Variants in PTGES3L observed in about 807,000 individuals in gnomAD.
PTGES3L encodes prostaglandin E synthase 3 like, also known as putative protein PTGES3L.
Under a neutral mutation model 25.0 loss-of-function variants are expected in PTGES3L, and 17 were observed. The observed-to-expected ratio is 0.68, with a 90% CI of 0.47 to 1.02. The LOEUF (loss-of-function observed/expected upper bound fraction) is 1.02, where lower values mean the gene tolerates loss of function less well. PTGES3L is among the 50% of genes least tolerant of loss of function. PTGES3L has a pLI of 0.00. For synonymous variants in PTGES3L, 59 were observed against 65.7 expected, an observed-to-expected ratio of 0.90 and a Z score of 0.50; for missense variants, 202 against 197.5, an observed-to-expected ratio of 1.02 and a Z score of -0.14.
intron 6 of PTGES3L, 64 bp from the exon 7 acceptor site, chr17:42,969,250 T>G (rs2049790150): frequency 2.0e-6 from 2 of 981,348 alleles, no homozygotes; most frequent in Middle Eastern, 2.1e-4. Flanking sequence ...ACATTTGTGT[T>G]AACAAATACT....
intron 4 of PTGES3L, among the ~76,000 whole-genome samples, chr17:42,973,625 G>C: frequency 6.6e-6 from 1 of 150,526 alleles, no homozygotes; most frequent in Non-Finnish European, 1.5e-5. Context: ...AGACATGGGA[G>C]ACTTTTCATT....
Position 42,968,815 on chromosome 17 carries a change from G to A in PTGES3L, c.*333C>T. 1 of 266,818 alleles carries A rather than the reference G, an allele frequency of 3.7e-6. No individual in the cohort carries two copies. The highest frequency in any genetic ancestry group is 7.0e-6 in the Non-Finnish European group (1 of 141,984). The allele number at this position is 266,818 out of a possible 1,614,324, so 16.5% of individuals were successfully genotyped here. Reference sequence around the variant, plus strand: ...CACATAGTAGAGATTTCTATAATCTGCATTCTTCTTTGGCTTTTGTTTTGC... The same window carrying A: ...CACATAGTAGAGATTTCTATAATCTACATTCTTCTTTGGCTTTTGTTTTGC... On this transcript the variant is annotated 3_prime_UTR_variant, in exon 7 of 7. Transcript: ENST00000591916.
At chr17:42,973,037 G>A (rs368540990) in intron 4 of PTGES3L, among the ~76,000 whole-genome samples, 18,428 of 139,474 alleles carry the variant, frequency 0.13, 1,176 homozygotes, top group South Asian at 0.17. Context: ...GGTGAGGAGC[G>A]TCTCTGCCCG....
intron 4 of PTGES3L, among the ~76,000 whole-genome samples, chr17:42,975,457 G>A (rs2049937511): frequency 6.6e-6 from 1 of 152,174 alleles, no homozygotes; most frequent in Non-Finnish European, 1.5e-5. Context: ...ACAGTCTGCT[G>A]TGGCTAGAAG....
chr17:42,969,552 C>A (rs1361361119), intron 6 of PTGES3L, among the ~76,000 whole-genome samples: 1 of 151,752 alleles, frequency 6.6e-6, no homozygotes, highest in Non-Finnish European at 1.5e-5. Context: ...GGATTATAGG[C>A]TACTGTGCCT....
Position 42,979,192 on chromosome 17 carries a change from C to G in PTGES3L, c.266G>C (p.Arg89Pro). The change falls in exon 4 of 7, where the codon CGG (arginine) becomes CCG (proline). Residue 89 changes from arginine to proline, a missense_variant. Coordinates refer to ENST00000591916, the MANE Select transcript of PTGES3L (RefSeq NM_001261430.2). ...RKWKEKVAWPRLTKEDIKPVW... is the reference protein window; with the variant it reads ...RKWKEKVAWPPLTKEDIKPVW... ...CACCTTGATATCCTCCTTGGTAAGC[C>G]GCGGCCAGGCCACCTTTTCCTTCCA... 6.2e-7 allele frequency: 1 copy of G among 1,614,090 alleles called. No individual in the cohort carries two copies. The highest frequency in any genetic ancestry group is 8.5e-7 in the Non-Finnish European group (1 of 1,180,020).
At chr17:42,972,490 G>A (rs1388224019) in intron 4 of PTGES3L, among the ~76,000 whole-genome samples, 5 of 151,872 alleles carry the variant, frequency 3.3e-5, no homozygotes, top group African/African-American at 4.8e-5. Context: ...GCACCGCCAC[G>A]CCTGACTGGT....
chr17:42,971,956 G>A (rs944911557), intron 4 of PTGES3L: 12 of 375,942 alleles, frequency 3.2e-5, no homozygotes, highest in African/African-American at 8.3e-5. Flanking sequence ...TTGGAAGGCC[G>A]AGGCAGGAGG....
chr17:42,971,780 A>G (rs1437435625), intron 4 of PTGES3L, 84 bp from the exon 5 acceptor site: 1 of 1,434,996 alleles, frequency 7.0e-7, no homozygotes, highest in African/African-American at 1.4e-5. Context: ...GCATGGGAGC[A>G]CGCCTGGGGA....
Position 42,979,656 on chromosome 17 carries a change from C to T in PTGES3L, c.16G>A (p.Ala6Thr), listed in dbSNP as rs1047164843. Residue 6 changes from alanine (A) to threonine (T), a missense_variant, in exon 2 of 7, where the codon GCC (alanine) becomes ACC (threonine). Ala to Thr is a moderately conservative substitution (Grantham distance 58, BLOSUM62 0). Transcript: ENST00000591916. The stretch of plus-strand genomic sequence containing the variant: ...GGCCTGTCGTACCACAAGGTCCGGG[C>T]GTGCTGCCTGAAGAGAAGTTGAGGT... The part of the protein sequence containing the change: MARQH[A>T]RTLWYDRPRY... 1.2e-6 allele frequency: 2 copies of T among 1,613,834 alleles called. No individual in the cohort carries two copies. Among genetic ancestry groups the T allele is most frequent in the Non-Finnish European group, 1.7e-6 (2 of 1,179,956 alleles).
chr17:42,970,287 A>C lies in PTGES3L; in HGVS notation c.432+2T>G, dbSNP rs370975489. On this transcript the variant is annotated splice_donor_variant, in intron 6 of 6. Transcript: ENST00000591916. LOFTEE classifies it high-confidence loss of function. ...AAGGGTTGAGGGGAAGGCTTTACTT[A>C]CATCCAAATCATCCATGGCAGGTGG... 4.3e-5 allele frequency: 69 copies of C among 1,613,886 alleles called. No individual in the cohort carries two copies. Among genetic ancestry groups the C allele is most frequent in the Middle Eastern group, 3.3e-4 (2 of 6,084 alleles).
chr17:42,979,856 C>T (rs2050042781), intron 1 of PTGES3L, 190 bp downstream of exon 1: 7 of 1,439,580 alleles, frequency 4.9e-6, no homozygotes, highest in Non-Finnish European at 6.4e-6. Context: ...AAGAATAGAA[C>T]GTGCAAGACT....
At chr17:42,973,258 C>CT (rs2049888424) in intron 4 of PTGES3L, among the ~76,000 whole-genome samples, 1 of 128,232 alleles carries the variant, frequency 7.8e-6, no homozygotes, top group African/African-American at 2.9e-5. Flanking sequence ...GTCAGCCCCC[C>CT]GCCCGGCCAG....
chr17:42,974,772 CA>C (rs35782715), intron 4 of PTGES3L, among the ~76,000 whole-genome samples: 107,632 of 120,214 alleles, frequency 0.9, 48,595 homozygotes, highest in East Asian at 0.98. Flanking sequence ...GACTCTGTCT[CA>C]AAAAAAAAAA....
intron 4 of PTGES3L, chr17:42,972,069 TC>T (rs2049847718): frequency 4.7e-6 from 1 of 212,402 alleles, no homozygotes; most frequent in Non-Finnish European, 9.5e-6. Flanking sequence ...GCACCTGTAG[TC>T]CCAGCTACTC....
intron 4 of PTGES3L, among the ~76,000 whole-genome samples, chr17:42,972,670 T>G (rs1371326331): frequency 6.6e-6 from 1 of 152,100 alleles, no homozygotes; most frequent in African/African-American, 2.4e-5. Context: ...CTCGGCTCGC[T>G]ACAACCTACA....
intron 5 of PTGES3L, 97 bp from the exon 6 acceptor site, chr17:42,970,439 G>A: frequency 1.5e-6 from 2 of 1,367,746 alleles, no homozygotes; most frequent in South Asian, 2.5e-5. Flanking sequence ...AGCCAGAACT[G>A]GTCAGGCAAC....
Position 42,972,802 on chromosome 17 carries a change from G to GC in PTGES3L, c.289-1107dup, listed in dbSNP as rs1336152680. On this transcript the variant is annotated intron_variant, in intron 4 of 6. Transcript: ENST00000591916. ...CCGCCCATCGTCTGGGATGTGAGGA[G>GC]CCCCTCTGCCTGGCTGCCCAGTCTG... Among the ~76,000 whole-genome samples, 15 of 149,318 alleles carry GC rather than the reference G, an allele frequency of 1.0e-4. No individual in the cohort carries two copies. In the South Asian group the frequency reaches 3.2e-3, roughly 32 times the overall value.
chr17:42,974,019 T>A (rs866150927), intron 4 of PTGES3L, among the ~76,000 whole-genome samples: 2,644 of 146,218 alleles, frequency 0.018, 80 homozygotes, highest in African/African-American at 0.064. Flanking sequence ...AAAATAAAAA[T>A]AAAAATAAAA....
Sources: gnomAD v4.1 joint callset for allele counts (sites outside exome capture counted in the v4.1 genomes callset) on GRCh38, gnomAD v4.1.1 for gene constraint, MANE v1.5 for transcripts, NCBI Gene and HGNC (gene_info 2026-07-23, HGNC 2026-07-21) for gene names.